Variants in RARS2 observed in about 807,000 individuals in gnomAD.
RARS2 encodes probable arginine--tRNA ligase, mitochondrial.
Under a neutral mutation model 88.5 loss-of-function variants are expected in RARS2, and 67 were observed. The ratio of observed to expected loss-of-function variants is 0.76; its 90% CI spans 0.62 to 0.93. The LOEUF (loss-of-function observed/expected upper bound fraction) is 0.93. RARS2 is among the 40% of genes least tolerant of loss of function. RARS2 has a pLI of 0.00. For missense variants in RARS2, 664 were observed against 684.2 expected (o/e 0.97, Z 0.33); for synonymous variants, 239 against 230.3 (o/e 1.04, Z -0.34).
At chr6:87,556,296 T>C (rs890725433) in intron 4 of RARS2, among the ~76,000 whole-genome samples, 2 of 152,136 alleles carry the variant, frequency 1.3e-5, no homozygotes, top group African/African-American at 4.8e-5. Flanking sequence ...CCTAACTGCA[T>C]CTATATTTTA....
rs111282967 is a variant in RARS2, at chr6:87,578,116, C to T, written c.37-8526G>A. Among the ~76,000 whole-genome samples the T allele has an allele frequency of 2.3e-3, 342 of 149,756 alleles. 2 individuals carry two copies. The highest frequency in any genetic ancestry group is 8.2e-3 in the African/African-American group (325 of 39,790). ...GGGGCAACATAGCGAGACCCCCCCC[C>T]CCGCCATCTCTATTTAAAAATAAAA... On this transcript the variant is annotated intron_variant, in intron 1 of 19. Coordinates refer to ENST00000369536, the MANE Select transcript of RARS2 (RefSeq NM_020320.5).
At chr6:87,524,223 A>G (rs1774930116) in intron 11 of RARS2, among the ~76,000 whole-genome samples, 1 of 152,150 alleles carries the variant, frequency 6.6e-6, no homozygotes, top group Non-Finnish European at 1.5e-5. Flanking sequence ...GGTCAGTCAC[A>G]GAGATGGATG....
intron 1 of RARS2, among the ~76,000 whole-genome samples, chr6:87,584,885 C>T (rs1774674368): frequency 6.6e-6 from 1 of 152,006 alleles, no homozygotes; most frequent in African/African-American, 2.4e-5. Context: ...CTAAGACAAC[C>T]GAAGTCAACC....
At chr6:87,578,242 A>C (rs2128213129) in intron 1 of RARS2, among the ~76,000 whole-genome samples, 1 of 152,346 alleles carries the variant, frequency 6.6e-6, no homozygotes, top group African/African-American at 2.4e-5. Flanking sequence ...TAAAACTTAA[A>C]AATAACACTC....
At chr6:87,528,657 T>C (rs1776514344) in intron 10 of RARS2, among the ~76,000 whole-genome samples, 1 of 152,208 alleles carries the variant, frequency 6.6e-6, no homozygotes, top group African/African-American at 2.4e-5. Context: ...AAATACTGTA[T>C]AGTCTCACAT....
intron 6 of RARS2, 113 bp from the exon 7 acceptor site, chr6:87,545,812 AC>A: frequency 7.9e-7 from 1 of 1,261,404 alleles, no homozygotes; most frequent in Non-Finnish European, 1.1e-6. Flanking sequence ...CACTAAATTT[AC>A]CAACTCAATG....
intron 14 of RARS2, 104 bp from the exon 15 acceptor site, chr6:87,518,995 A>G (rs779393765): frequency 4.0e-5 from 44 of 1,110,448 alleles, no homozygotes; most frequent in Non-Finnish European, 5.5e-5. Context: ...ACAATCAAGA[A>G]CAGATTCAGA....
intron 1 of RARS2, among the ~76,000 whole-genome samples, chr6:87,583,734 G>C (rs994251745): frequency 1.3e-5 from 2 of 152,106 alleles, no homozygotes; most frequent in African/African-American, 2.4e-5. Context: ...TCTACATATA[G>C]AATACAAAGA....
intron 17 of RARS2, 106 bp downstream of exon 17, chr6:87,518,063 A>C: frequency 1.2e-6 from 2 of 1,603,784 alleles, no homozygotes; most frequent in South Asian, 2.2e-5. Context: ...AAAAGTCTAG[A>C]GGCAGAAGGC....
At position 87,518,893 on chromosome 6, in the gene RARS2, T is replaced by C. The variant is rs1167507020; in HGVS notation, c.1238-2A>G. ...GTGGGTTCTTGAGTTCTTTAGTTGC[T>C]GAAACAGACAAAGGCAGCTATCTTT... On this transcript the variant is annotated splice_acceptor_variant, in intron 14 of 19. Coordinates refer to ENST00000369536, the MANE Select transcript of RARS2 (RefSeq NM_020320.5). LOFTEE classifies it high-confidence loss of function. The C allele has an allele frequency of 6.2e-7, 1 of 1,613,884 alleles. No homozygotes were observed. Among genetic ancestry groups the C allele is most frequent in the African/African-American group, 1.3e-5 (1 of 74,998 alleles).
chr6:87,518,606 G>A (rs779288448), intron 16 of RARS2, 24 bp downstream of exon 16: 1 of 1,587,340 alleles, frequency 6.3e-7, no homozygotes, highest in Non-Finnish European at 8.6e-7. Flanking sequence ...TGCAGCACAA[G>A]GTTTCCCTGC....
intron 1 of RARS2, among the ~76,000 whole-genome samples, chr6:87,581,363 C>G (rs9450749): frequency 6.6e-6 from 1 of 151,836 alleles, no homozygotes; most frequent in African/African-American, 2.4e-5. Flanking sequence ...GCAATTACCC[C>G]AGTTGTTCCT....
chr6:87,519,545 CG>C, intron 14 of RARS2, 37 bp downstream of exon 14: 1 of 1,581,786 alleles, frequency 6.3e-7, no homozygotes, highest in Non-Finnish European at 8.7e-7. Flanking sequence ...AAAAGTGGCA[CG>C]TAAGTTATGA....
At chr6:87,576,198 A>C (rs1440004922) in intron 1 of RARS2, among the ~76,000 whole-genome samples, 1 of 121,406 alleles carries the variant, frequency 8.2e-6, no homozygotes, top group African/African-American at 3.0e-5. Context: ...AAATTTAATA[A>C]CTTGTAAAAT....
chr6:87,540,371 A>C (rs1304792659), intron 8 of RARS2, among the ~76,000 whole-genome samples: 1 of 145,230 alleles, frequency 6.9e-6, no homozygotes, highest in East Asian at 2.1e-4. Context: ...AACTGCTTCA[A>C]CCCAGGAGGC....
At chr6:87,572,603 C>T (rs979289902) in intron 1 of RARS2, among the ~76,000 whole-genome samples, 4 of 151,964 alleles carry the variant, frequency 2.6e-5, no homozygotes, top group Non-Finnish European at 4.4e-5. Context: ...CACTCTGTTA[C>T]CCAGGCTGGA....
Position 87,543,737 on chromosome 6 carries a change from T to G in RARS2, c.536-1743A>C. Among the ~76,000 whole-genome samples, 3 of 152,226 alleles carry G rather than the reference T, an allele frequency of 2.0e-5. No individual in the cohort carries two copies. In the East Asian group the frequency reaches 5.8e-4, roughly 29 times the overall value. The stretch of plus-strand genomic sequence containing the variant: ...ACACATTTTTCTATTCAAGGTTCAG[T>G]AGAAAGTGGGACGTGACTGAACACA... On this transcript the variant is annotated intron_variant, in intron 7 of 19. Transcript: ENST00000369536.
At chr6:87,530,578 A>T (rs1777167366) in intron 9 of RARS2, among the ~76,000 whole-genome samples, 2 of 152,228 alleles carry the variant, frequency 1.3e-5, no homozygotes, top group South Asian at 2.1e-4. Flanking sequence ...AAGTCAGATA[A>T]AAATGAAGTA....
intron 14 of RARS2, chr6:87,519,259 GTTAA>G (rs1773006671): frequency 8.9e-6 from 3 of 337,500 alleles, no homozygotes; most frequent in Admixed American, 4.6e-5. Flanking sequence ...AAGGGTGAAG[GTTAA>G]TTAAAGTCAT....
Sources: allele counts gnomAD v4.1 joint callset (sites outside exome capture counted in the v4.1 genomes callset), GRCh38; gene constraint gnomAD v4.1.1; transcripts MANE v1.5; gene names NCBI Gene and HGNC (gene_info 2026-07-23, HGNC 2026-07-21).